TBC1D22A: variants seen among roughly 807,000 people sequenced by gnomAD.
TBC1D22A encodes the protein TBC1 domain family member 22A.
Under a neutral mutation model 60.2 loss-of-function variants are expected in TBC1D22A, and 38 were observed. That is an observed-to-expected ratio of 0.63 (90% CI 0.49 to 0.83). TBC1D22A has a LOEUF of 0.83. Among genes scored for constraint, TBC1D22A ranks in the 40% least tolerant of loss-of-function variants. The pLI, the probability that TBC1D22A is intolerant of heterozygous loss-of-function variation, is 0.00. For missense variants in TBC1D22A, 628 were observed against 701.0 expected, an observed-to-expected ratio of 0.90 and a Z score of 1.18; for synonymous variants, 302 against 281.7, an observed-to-expected ratio of 1.07 and a Z score of -0.72.
At chr22:47,096,533 C>A (rs1325627739) in intron 11 of TBC1D22A, among the ~76,000 whole-genome samples, 1 of 152,020 alleles carries the variant, frequency 6.6e-6, no homozygotes, top group Non-Finnish European at 1.5e-5. Context: ...AAAATTTATC[C>A]TTTGTTGGCC....
intron 4 of TBC1D22A, among the ~76,000 whole-genome samples, chr22:46,816,995 G>A (rs1482028850): frequency 6.6e-6 from 1 of 152,166 alleles, no homozygotes; most frequent in African/African-American, 2.4e-5. Context: ...GAACATTAAA[G>A]ACTTCCAGTA....
At chr22:46,944,615 G>A (rs1231694370) in intron 8 of TBC1D22A, among the ~76,000 whole-genome samples, 1 of 152,204 alleles carries the variant, frequency 6.6e-6, no homozygotes, top group East Asian at 1.9e-4. Flanking sequence ...AGCCAGGATG[G>A]TCTTGATCTC....
chr22:47,132,912 C>T (rs75203183), intron 12 of TBC1D22A, among the ~76,000 whole-genome samples: 1 of 152,026 alleles, frequency 6.6e-6, no homozygotes, highest in Non-Finnish European at 1.5e-5. Context: ...GCCTTGAACT[C>T]CCTGGGGTGG....
chr22:46,807,845 G>A (rs2085214826), intron 4 of TBC1D22A, among the ~76,000 whole-genome samples: 1 of 152,202 alleles, frequency 6.6e-6, no homozygotes, highest in Non-Finnish European at 1.5e-5. Flanking sequence ...GCTCATACTT[G>A]TAATCCCAGC....
At position 46,838,016 on chromosome 22, in the gene TBC1D22A, C is replaced by T. The variant is rs552741961; in HGVS notation, c.637+40396C>T. Among the ~76,000 whole-genome samples, 427 of 152,254 alleles carry T rather than the reference C, an allele frequency of 2.8e-3. 3 individuals carry two copies. The highest frequency in any genetic ancestry group is 4.9e-3 in the Non-Finnish European group (332 of 68,022). On this transcript the variant is annotated intron_variant, in intron 4 of 12. Transcript: ENST00000337137. ...CGGAGGTTGCAGTGAGCCAAGATTG[C>T]GCCACTGCACTCTAGCCTGGGAGAT...
chr22:46,905,416 C>T (rs549659612), intron 7 of TBC1D22A, among the ~76,000 whole-genome samples: 6 of 152,314 alleles, frequency 3.9e-5, no homozygotes, highest in African/African-American at 1.2e-4. Flanking sequence ...CTGTGCCTGT[C>T]GCCTCTGCTC....
chr22:46,946,566 A>G (rs1036714901), intron 8 of TBC1D22A, among the ~76,000 whole-genome samples: 4 of 152,216 alleles, frequency 2.6e-5, no homozygotes, highest in Non-Finnish European at 5.9e-5. Context: ...CCTCATCCAC[A>G]GAAGCACTGA....
intron 4 of TBC1D22A, among the ~76,000 whole-genome samples, chr22:46,828,171 T>A (rs749773072): frequency 8.5e-5 from 13 of 152,206 alleles, no homozygotes; most frequent in Non-Finnish European, 1.6e-4. Context: ...CCAGTGGGAT[T>A]TTTCTTTTGT....
At chr22:47,032,170 C>T (rs528478267) in intron 10 of TBC1D22A, among the ~76,000 whole-genome samples, 5 of 152,328 alleles carry the variant, frequency 3.3e-5, no homozygotes, top group East Asian at 1.9e-4. Flanking sequence ...TCCTCTTCTG[C>T]GTGTGACTCT....
chr22:47,042,401 T>TGAGAGA (rs57730619), intron 11 of TBC1D22A, among the ~76,000 whole-genome samples: 9 of 149,566 alleles, frequency 6.0e-5, no homozygotes, highest in Non-Finnish European at 8.9e-5. Flanking sequence ...CCAGCCTGTA[T>TGAGAGA]GAGAGAGAGA....
chr22:46,961,406 T>A (rs568719505), intron 8 of TBC1D22A, among the ~76,000 whole-genome samples: 2 of 152,220 alleles, frequency 1.3e-5, no homozygotes, highest in Non-Finnish European at 2.9e-5. Context: ...TAGCTCATAG[T>A]GCATTTCCGT....
In TBC1D22A at chr22:46,879,037, A is replaced by C. The variant is rs143802368; in HGVS notation, c.708+314A>C. Among the ~76,000 whole-genome samples, 579 of 152,010 alleles carry C rather than the reference A, an allele frequency of 3.8e-3. 1 individual carries two copies. Among genetic ancestry groups the C allele is most frequent in the South Asian group, 0.016 (77 of 4,802 alleles). On this transcript the variant is annotated intron_variant, in intron 5 of 12. Coordinates refer to ENST00000337137, the MANE Select transcript of TBC1D22A (RefSeq NM_014346.5). ...GGTTTCAGCATAGATGGTTGTTTCA[A>C]CTCCGAGGAGTTGAAACAGGGAAAT...
intron 8 of TBC1D22A, among the ~76,000 whole-genome samples, chr22:46,957,881 T>C (rs1335272758): frequency 6.6e-6 from 1 of 152,088 alleles, no homozygotes; most frequent in African/African-American, 2.4e-5. Context: ...TTTCTAACAA[T>C]AGTGGACAGA....
intron 4 of TBC1D22A, among the ~76,000 whole-genome samples, chr22:46,842,408 T>G (rs866897232): frequency 6.6e-6 from 1 of 151,986 alleles, no homozygotes; most frequent in African/African-American, 2.4e-5. Flanking sequence ...GGCCATCCAT[T>G]GAGGCCACCA....
chr22:46,930,957 T>G (rs569662721), intron 8 of TBC1D22A, among the ~76,000 whole-genome samples: 129 of 152,306 alleles, frequency 8.5e-4, no homozygotes, highest in African/African-American at 3.1e-3. Context: ...ACAGCAGCCT[T>G]GTAAGGTAGA....
chr22:46,765,893 TCTC>T (rs1424157149), intron 1 of TBC1D22A, among the ~76,000 whole-genome samples: 1 of 151,228 alleles, frequency 6.6e-6, no homozygotes. Flanking sequence ...TTGAAGCAGT[TCTC>T]CTGCCTCAGC....
At chr22:47,066,748 T>G (rs2063785081) in intron 11 of TBC1D22A, among the ~76,000 whole-genome samples, 1 of 152,202 alleles carries the variant, frequency 6.6e-6, no homozygotes, top group South Asian at 2.1e-4. Context: ...GGGGAAACCC[T>G]AGGTCCCCCA....
chr22:47,008,174 T>G (rs966763970), intron 10 of TBC1D22A, among the ~76,000 whole-genome samples: 1 of 152,226 alleles, frequency 6.6e-6, no homozygotes, highest in Non-Finnish European at 1.5e-5. Flanking sequence ...AAATGGCCGT[T>G]AAGGACTTAC....
At chr22:46,999,790 C>T (rs1481399526) in intron 10 of TBC1D22A, among the ~76,000 whole-genome samples, 1 of 152,222 alleles carries the variant, frequency 6.6e-6, no homozygotes, top group Non-Finnish European at 1.5e-5. Flanking sequence ...CCTTGGGAGG[C>T]CGAGGCAGGC....
Sources: allele counts gnomAD v4.1 joint callset (sites outside exome capture counted in the v4.1 genomes callset), GRCh38; gene constraint gnomAD v4.1.1; transcripts MANE v1.5; gene names NCBI Gene and HGNC (gene_info 2026-07-23, HGNC 2026-07-21).